The following FRMD6 variants were observed in gnomAD, a reference collection of about 807,000 sequenced individuals.
The protein encoded by FRMD6 is FERM domain-containing protein 6.
FRMD6 carries 37 observed loss-of-function variants against 73.2 expected under a neutral mutation model. The observed-to-expected ratio is 0.51, with a 90% CI of 0.39 to 0.66. FRMD6 has a LOEUF of 0.66. Among genes scored for constraint, FRMD6 ranks in the 30% least tolerant of loss-of-function variants. The pLI is 0.00. For missense variants in FRMD6, 714 were observed against 780.5 expected (o/e 0.91, Z 1.02); for synonymous variants, 273 against 282.2 (o/e 0.97, Z 0.33).
intron 2 of FRMD6, among the ~76,000 whole-genome samples, chr14:51,640,604 C>G (rs1156650690): frequency 6.6e-6 from 1 of 152,098 alleles, no homozygotes; most frequent in East Asian, 1.9e-4. Flanking sequence ...TGGGTTTTGT[C>G]TTCATGAGAA....
chr14:51,479,379 C>T, the FRMD6 span, among the ~76,000 whole-genome samples: 1 of 152,150 alleles, frequency 6.6e-6, no homozygotes. Flanking sequence ...AATGACCACC[C>T]AACTATACTA....
intron 2 of FRMD6, among the ~76,000 whole-genome samples, chr14:51,620,017 C>G (rs1186087157): frequency 6.6e-6 from 1 of 152,080 alleles, no homozygotes; most frequent in African/African-American, 2.4e-5. Context: ...TGAGATAGGA[C>G]AAGTTAATTC....
intron 1 of FRMD6, among the ~76,000 whole-genome samples, chr14:51,515,048 C>T (rs1447274014): frequency 1.3e-5 from 2 of 152,160 alleles, no homozygotes; most frequent in Non-Finnish European, 2.9e-5. Flanking sequence ...GTGTCCCCAC[C>T]CCCATCCTAG....
At chr14:51,529,811 G>A (rs561272778) in intron 1 of FRMD6, among the ~76,000 whole-genome samples, 8 of 152,304 alleles carry the variant, frequency 5.3e-5, no homozygotes, top group Middle Eastern at 3.4e-3. Flanking sequence ...AACATTTCCT[G>A]TGACTGGAAA....
the FRMD6 span, among the ~76,000 whole-genome samples, chr14:51,476,522 T>A: frequency 6.6e-6 from 1 of 152,178 alleles, no homozygotes; most frequent in Admixed American, 6.5e-5. Context: ...TGAGGGAGTA[T>A]GAAGACCCTT....
At chr14:51,408,935 TTAAAG>T in the FRMD6 span, among the ~76,000 whole-genome samples, 1 of 152,172 alleles carries the variant, frequency 6.6e-6, no homozygotes, top group African/African-American at 2.4e-5. Flanking sequence ...TTCGAACACT[TTAAAG>T]TAAAAATTCA....
the FRMD6 span, among the ~76,000 whole-genome samples, chr14:51,442,683 G>T: frequency 1.3e-5 from 2 of 152,186 alleles, no homozygotes; most frequent in Admixed American, 1.3e-4. Flanking sequence ...GACTACTCAG[G>T]AAATGTTTGT....
chr14:51,542,986 A>T (rs372011422), intron 1 of FRMD6, among the ~76,000 whole-genome samples: 2 of 152,044 alleles, frequency 1.3e-5, no homozygotes, highest in South Asian at 2.1e-4. Context: ...TGTTGTTGGG[A>T]TATAGGAGTT....
intron 1 of FRMD6, among the ~76,000 whole-genome samples, chr14:51,519,935 T>C (rs1884850920): frequency 6.6e-6 from 1 of 152,190 alleles, no homozygotes; most frequent in African/African-American, 2.4e-5. Flanking sequence ...ACTCCACGCA[T>C]TAGCAAACCT....
intron 2 of FRMD6, among the ~76,000 whole-genome samples, chr14:51,576,946 G>A (rs1285923791): frequency 6.6e-6 from 1 of 152,122 alleles, no homozygotes; most frequent in Non-Finnish European, 1.5e-5. Flanking sequence ...AATAACAGAG[G>A]GGAGAGGATT....
At chr14:51,559,978 A>G (rs948763715) in intron 1 of FRMD6, among the ~76,000 whole-genome samples, 1 of 152,156 alleles carries the variant, frequency 6.6e-6, no homozygotes, top group Non-Finnish European at 1.5e-5. Context: ...AACTTAATTT[A>G]TTAATTTTCT....
intron 1 of FRMD6, among the ~76,000 whole-genome samples, chr14:51,494,441 C>T (rs1883182145): frequency 1.3e-5 from 2 of 152,210 alleles, no homozygotes; most frequent in African/African-American, 2.4e-5. Flanking sequence ...TGAGCAAGTC[C>T]AAAACCTTAA....
intron 1 of FRMD6, among the ~76,000 whole-genome samples, chr14:51,531,527 T>C (rs1885583189): frequency 6.6e-6 from 1 of 152,164 alleles, no homozygotes; most frequent in South Asian, 2.1e-4. Context: ...TGCAATTTGG[T>C]TAATAGTACG....
chr14:51,524,854 A>G (rs1885145702), intron 1 of FRMD6, among the ~76,000 whole-genome samples: 1 of 152,176 alleles, frequency 6.6e-6, no homozygotes, highest in East Asian at 1.9e-4. Flanking sequence ...TGTTTATCCA[A>G]TTAGGTACAG....
intron 2 of FRMD6, among the ~76,000 whole-genome samples, chr14:51,582,178 CAGAA>C (rs1888763154): frequency 6.6e-6 from 1 of 152,154 alleles, no homozygotes; most frequent in South Asian, 2.1e-4. Flanking sequence ...TAGTGTTCTA[CAGAA>C]AGAGTCACTA....
chr14:51,720,270 A>G lies in FRMD6; in HGVS notation c.1240A>G (p.Ser414Gly). Residue 414 changes from serine to glycine, a missense_variant, in exon 11 of 14, where the codon AGC becomes GGC. Transcript: ENST00000344768. ...RDTGPEDSYS[S>G]SAIHRKLKTC... ...CACGGGGCCAGAAGACAGCTACTCC[A>G]GCAGTGCCATCCACCGCAAGCTGAA... 1.2e-6 allele frequency: 2 copies of G among 1,614,022 alleles called. No individual in the cohort carries two copies. Among genetic ancestry groups the G allele is most frequent in the Non-Finnish European group, 1.7e-6 (2 of 1,179,978 alleles).
chr14:51,697,639 C>T (rs1271134107), intron 2 of FRMD6, among the ~76,000 whole-genome samples: 2 of 151,992 alleles, frequency 1.3e-5, no homozygotes, highest in South Asian at 2.1e-4. Flanking sequence ...TAAGTGTTCT[C>T]ACCACAAAAA....
At chr14:51,579,447 T>A (rs1888589414) in intron 2 of FRMD6, 1 of 152,182 alleles carries the variant, frequency 6.6e-6, no homozygotes, top group Non-Finnish European at 1.5e-5. Context: ...ATTTATCAAA[T>A]CACTTGACAC....
At chr14:51,633,605 A>C (rs1458013771) in intron 2 of FRMD6, among the ~76,000 whole-genome samples, 1 of 146,474 alleles carries the variant, frequency 6.8e-6, no homozygotes, top group Non-Finnish European at 1.5e-5. Context: ...TGTCAAAAAA[A>C]AAAAAAAAAA....
Sources: gnomAD v4.1 joint callset for allele counts (sites outside exome capture counted in the v4.1 genomes callset) on GRCh38, gnomAD v4.1.1 for gene constraint, MANE v1.5 for transcripts, NCBI Gene and HGNC (gene_info 2026-07-23, HGNC 2026-07-21) for gene names.